Variants in TMEM132D observed in about 807,000 individuals in gnomAD.
The protein encoded by TMEM132D is transmembrane protein 132D, also known as mature OL transmembrane protein.
A neutral mutation model predicts 62.3 loss-of-function variants in TMEM132D; 21 were observed. The observed-to-expected ratio is 0.34, with a 90% confidence interval of 0.24 to 0.49. The LOEUF is 0.49. Ranked by LOEUF, TMEM132D falls within the 20% of genes least tolerant of loss-of-function variation. The pLI is 0.99. For synonymous variants in TMEM132D, 621 were observed against 575.6 expected (o/e 1.08, Z -1.13); for missense variants, 1,346 against 1,402.8 (o/e 0.96, Z 0.65).
At chr12:129,616,771 C>T (rs1225171503) in intron 2 of TMEM132D, among the ~76,000 whole-genome samples, 1 of 152,180 alleles carries the variant, frequency 6.6e-6, no homozygotes, top group East Asian at 1.9e-4. Context: ...AAACCTCTTT[C>T]CTTCATAAAG....
chr12:129,150,228 A>T (rs1200211572), intron 5 of TMEM132D, among the ~76,000 whole-genome samples: 1 of 152,068 alleles, frequency 6.6e-6, no homozygotes, highest in Non-Finnish European at 1.5e-5. Flanking sequence ...ATCCCAGGGG[A>T]GCCCCATCCA....
intron 3 of TMEM132D, among the ~76,000 whole-genome samples, chr12:129,373,038 TAGAG>T (rs1196940965): frequency 1.3e-5 from 2 of 152,076 alleles, no homozygotes; most frequent in Non-Finnish European, 2.9e-5. Context: ...CACTTGTTGT[TAGAG>T]AGACCGACTT....
At chr12:129,576,325 T>G (rs1044642787) in intron 2 of TMEM132D, among the ~76,000 whole-genome samples, 1 of 151,866 alleles carries the variant, frequency 6.6e-6, no homozygotes, top group African/African-American at 2.4e-5. Context: ...TCTGGATTTG[T>G]AATTAAAATA....
chr12:129,480,367 A>G (rs1457439415), intron 3 of TMEM132D, among the ~76,000 whole-genome samples: 1 of 152,194 alleles, frequency 6.6e-6, no homozygotes, highest in African/African-American at 2.4e-5. Flanking sequence ...TGAGGTCTGG[A>G]GCAGACAAGT....
intron 1 of TMEM132D, among the ~76,000 whole-genome samples, chr12:129,793,265 G>A (rs753063374): frequency 9.2e-5 from 14 of 151,962 alleles, no homozygotes; most frequent in Non-Finnish European, 1.6e-4. Flanking sequence ...GGATTCTCTA[G>A]TAATATAGAG....
intron 3 of TMEM132D, among the ~76,000 whole-genome samples, chr12:129,498,373 C>T (rs185916024): frequency 6.6e-6 from 1 of 152,142 alleles, no homozygotes; most frequent in South Asian, 2.1e-4. Flanking sequence ...CCTGCCTCAG[C>T]CTCCTGAGCA....
intron 3 of TMEM132D, among the ~76,000 whole-genome samples, chr12:129,456,247 A>G (rs1008936751): frequency 6.6e-6 from 1 of 152,196 alleles, no homozygotes; most frequent in African/African-American, 2.4e-5. Context: ...AAGATCACCA[A>G]TAAGAGAGTA....
chr12:129,432,048 T>C (rs1321332237), intron 3 of TMEM132D, among the ~76,000 whole-genome samples: 1 of 152,236 alleles, frequency 6.6e-6, no homozygotes, highest in East Asian at 1.9e-4. Context: ...TTCTATATCA[T>C]CACCTTGCTG....
chr12:129,116,948 T>G (rs865882215), intron 5 of TMEM132D, among the ~76,000 whole-genome samples: 1 of 82,568 alleles, frequency 1.2e-5, no homozygotes, highest in Non-Finnish European at 2.5e-5. Context: ...AAAAAAAAAA[T>G]CTGTACGTGA....
In TMEM132D at chr12:129,099,709, CCTT is replaced by C. The variant is rs1418899688; in HGVS notation, c.1444-15010_1444-15008del. On this transcript the variant is annotated intron_variant, in intron 5 of 8. Coordinates refer to ENST00000422113, the MANE Select transcript of TMEM132D (RefSeq NM_133448.3). ...TCTCAGCAGATGCAGGTCAAGAACA[CCTT>C]CTTCCATGTTCAGTCCCACCTTGGC... Among the ~76,000 whole-genome samples the C allele has an allele frequency of 2.6e-5, 4 of 152,394 alleles. No individual in the cohort carries two copies. In the South Asian group the frequency reaches 8.3e-4, roughly 32 times the overall value.
At chr12:129,659,613 A>AT in intron 2 of TMEM132D, among the ~76,000 whole-genome samples, 1 of 151,836 alleles carries the variant, frequency 6.6e-6, no homozygotes. Context: ...GTAAAAAAAA[A>AT]ACCCAGTAAC....
intron 5 of TMEM132D, chr12:129,085,004 G>A (rs374137613): frequency 3.5e-5 from 18 of 519,256 alleles, no homozygotes; most frequent in African/African-American, 1.8e-4. Flanking sequence ...CACATCTTCC[G>A]TAGAAGACTG....
At chr12:129,687,473 G>A (rs1156895638) in intron 2 of TMEM132D, among the ~76,000 whole-genome samples, 1 of 152,016 alleles carries the variant, frequency 6.6e-6, no homozygotes, top group Non-Finnish European at 1.5e-5. Context: ...CCACATTGGT[G>A]CTGATCTTGG....
chr12:129,855,133 A>T (rs71466423), intron 1 of TMEM132D, among the ~76,000 whole-genome samples: 3 of 103,018 alleles, frequency 2.9e-5, no homozygotes, highest in African/African-American at 1.1e-4. Flanking sequence ...CCCTTGTAAC[A>T]GAGTCCGGGG....
intron 3 of TMEM132D, among the ~76,000 whole-genome samples, chr12:129,342,441 CT>C (rs1483887463): frequency 6.6e-6 from 1 of 151,482 alleles, no homozygotes; most frequent in East Asian, 1.9e-4. Context: ...GGATTAAAGA[CT>C]TACATGTTAG....
intron 1 of TMEM132D, among the ~76,000 whole-genome samples, chr12:129,809,818 C>A (rs182873039): frequency 9.9e-5 from 15 of 152,162 alleles, no homozygotes; most frequent in East Asian, 9.6e-4. Flanking sequence ...TAAATAAACA[C>A]AGATGCTCAG....
At chr12:129,092,359 T>C (rs1336608738) in intron 5 of TMEM132D, among the ~76,000 whole-genome samples, 8 of 151,960 alleles carry the variant, frequency 5.3e-5, no homozygotes, top group Non-Finnish European at 1.2e-4. Flanking sequence ...ATTCTGTCTT[T>C]TTTTCCCCTC....
intron 3 of TMEM132D, among the ~76,000 whole-genome samples, chr12:129,449,141 G>A (rs772011211): frequency 2.6e-5 from 4 of 152,208 alleles, no homozygotes; most frequent in Non-Finnish European, 5.9e-5. Flanking sequence ...TGTTAAGAGG[G>A]AAGACCCTAT....
At chr12:129,770,141 TTG>T (rs1491214925) in intron 1 of TMEM132D, among the ~76,000 whole-genome samples, 2 of 12,052 alleles carry the variant, frequency 1.7e-4, no homozygotes, top group African/African-American at 3.6e-4. Flanking sequence ...GTTTTTTTGG[TTG>T]TTTTTTTTTT....
Sources: allele counts gnomAD v4.1 joint callset (sites outside exome capture counted in the v4.1 genomes callset), GRCh38; gene constraint gnomAD v4.1.1; transcripts MANE v1.5; gene names NCBI Gene and HGNC (gene_info 2026-07-23, HGNC 2026-07-21).